Variants in LRP1B observed in about 807,000 individuals in gnomAD.
LRP1B encodes the protein low-density lipoprotein receptor-related protein 1B.
In LRP1B, 217 loss-of-function variants were observed where a neutral mutation model predicts 556.6. That is an observed-to-expected ratio of 0.39 (90% CI 0.35 to 0.44). The LOEUF (loss-of-function observed/expected upper bound fraction) is 0.44. Among genes scored for constraint, LRP1B ranks in the 20% least tolerant of loss-of-function variants. The pLI, the probability that LRP1B is intolerant of heterozygous loss-of-function variation, is 1.00. For missense variants in LRP1B, 5,053 were observed against 5,620.8 expected (o/e 0.90, Z 3.23); for synonymous variants, 2,047 against 1,865.8 (o/e 1.10, Z -2.50).
intron 35 of LRP1B, among the ~76,000 whole-genome samples, chr2:140,765,862 C>T (rs1689085200): frequency 6.6e-6 from 1 of 152,108 alleles, no homozygotes; most frequent in Admixed American, 6.6e-5. Flanking sequence ...TCTTCCACTT[C>T]ATCTCCTTAG....
chr2:141,061,909 A>C (rs1699346994), intron 8 of LRP1B, 142 bp downstream of exon 8: 1 of 649,616 alleles, frequency 1.5e-6, no homozygotes, highest in Admixed American at 2.7e-5. Flanking sequence ...TGAAAAGAAC[A>C]TTCTCCAATA....
intron 41 of LRP1B, among the ~76,000 whole-genome samples, chr2:140,606,616 T>C (rs1682876915): frequency 6.6e-6 from 1 of 151,988 alleles, no homozygotes; most frequent in African/African-American, 2.4e-5. Context: ...AACCTCAGTA[T>C]AAAGTTTATA....
chr2:140,603,660 A>ACAT (rs1682758582), intron 41 of LRP1B, among the ~76,000 whole-genome samples: 1 of 152,120 alleles, frequency 6.6e-6, no homozygotes, highest in Non-Finnish European at 1.5e-5. Context: ...TCTATGGTTA[A>ACAT]CATAATTCCA....
At chr2:141,615,833 T>C (rs773040003) in intron 2 of LRP1B, among the ~76,000 whole-genome samples, 10 of 152,124 alleles carry the variant, frequency 6.6e-5, no homozygotes, top group Non-Finnish European at 1.2e-4. Context: ...TAGGATAAGA[T>C]TTGGTAATAG....
chr2:140,718,372 G>A (rs1361320246), intron 35 of LRP1B, among the ~76,000 whole-genome samples: 2 of 151,802 alleles, frequency 1.3e-5, no homozygotes, highest in Non-Finnish European at 1.5e-5. Context: ...CCATTACCAA[G>A]CATTTTTTGT....
chr2:140,398,994 A>G (rs1446798929), intron 66 of LRP1B, among the ~76,000 whole-genome samples: 1 of 152,150 alleles, frequency 6.6e-6, no homozygotes, highest in Non-Finnish European at 1.5e-5. Context: ...CATTCATTGG[A>G]AAGTGCATAA....
intron 32 of LRP1B, among the ~76,000 whole-genome samples, chr2:140,798,396 C>A (rs35027393): frequency 2.0e-5 from 3 of 152,120 alleles, no homozygotes; most frequent in African/African-American, 7.2e-5. Flanking sequence ...TCTTCCTACC[C>A]TTCTCTGCCC....
At chr2:140,907,333 C>A (rs1694286398) in intron 22 of LRP1B, among the ~76,000 whole-genome samples, 2 of 151,940 alleles carry the variant, frequency 1.3e-5, no homozygotes, top group Non-Finnish European at 2.9e-5. Context: ...TCATTGAAAT[C>A]ATCATTTTAA....
intron 1 of LRP1B, among the ~76,000 whole-genome samples, chr2:142,119,723 T>C (rs1250876101): frequency 1.3e-5 from 2 of 152,104 alleles, no homozygotes; most frequent in Admixed American, 6.6e-5. Flanking sequence ...ATCATTTTTA[T>C]AGTACTTTCC....
At chr2:141,735,768 A>T (rs945593754) in intron 2 of LRP1B, among the ~76,000 whole-genome samples, 1 of 152,150 alleles carries the variant, frequency 6.6e-6, no homozygotes, top group Admixed American at 6.6e-5. Context: ...TCTTCCGAAC[A>T]TCCAAGAATT....
intron 77 of LRP1B, among the ~76,000 whole-genome samples, chr2:140,338,076 A>G (rs1440726160): frequency 5.3e-5 from 8 of 151,714 alleles, no homozygotes; most frequent in Non-Finnish European, 8.8e-5. Context: ...ACGAAAAAAA[A>G]AACTTACTTT....
chr2:140,241,024 C>T (rs1050869784), intron 87 of LRP1B, among the ~76,000 whole-genome samples: 13 of 150,880 alleles, frequency 8.6e-5, no homozygotes, highest in East Asian at 3.9e-4. Flanking sequence ...TTTAGAACTT[C>T]GAGAAATAAC....
At chr2:141,780,504 G>C (rs1695218986) in intron 2 of LRP1B, among the ~76,000 whole-genome samples, 1 of 152,084 alleles carries the variant, frequency 6.6e-6, no homozygotes, top group East Asian at 1.9e-4. Flanking sequence ...CAATTGTCCA[G>C]GAAAAAAATC....
chr2:141,902,710 T>C (rs1699655035), intron 1 of LRP1B, among the ~76,000 whole-genome samples: 1 of 131,296 alleles, frequency 7.6e-6, no homozygotes, highest in Middle Eastern at 3.9e-3. Flanking sequence ...AATGTAGTTG[T>C]GTCTTATTGA....
rs772450220 is a variant in LRP1B, at chr2:141,988,679, A to G, written c.82+141969T>C. Among the ~76,000 whole-genome samples the G allele has an allele frequency of 3.1e-4, 47 of 152,028 alleles. 1 individual carries two copies. Among genetic ancestry groups the G allele is most frequent in the Non-Finnish European group, 2.1e-4 (14 of 67,950 alleles). ...CCAAGAAAACACTCATCTTCCATAG[A>G]TCTGAAGATATTTGCAGTGGTGCTC... is the stretch of plus-strand genomic sequence containing the variant. On this transcript the variant is annotated intron_variant, in intron 1 of 90. Coordinates refer to ENST00000389484, the MANE Select transcript of LRP1B (RefSeq NM_018557.3).
chr2:140,503,140 A>G (rs1331498241), intron 53 of LRP1B, 37 bp from the exon 54 acceptor site: 3 of 1,593,396 alleles, frequency 1.9e-6, no homozygotes, highest in Non-Finnish European at 2.6e-6. Context: ...TAATTCACAT[A>G]ACAAATACTA....
intron 2 of LRP1B, among the ~76,000 whole-genome samples, chr2:141,730,586 C>T (rs1693233237): frequency 6.6e-6 from 1 of 152,116 alleles, no homozygotes; most frequent in South Asian, 2.1e-4. Flanking sequence ...TCTCCAGCTA[C>T]CTATTATACT....
intron 49 of LRP1B, among the ~76,000 whole-genome samples, chr2:140,520,546 T>A (rs1395491604): frequency 6.6e-6 from 1 of 151,994 alleles, no homozygotes; most frequent in East Asian, 1.9e-4. Context: ...ATGGCACATG[T>A]ACACATATGT....
chr2:140,530,146 A>G (rs964528734), intron 47 of LRP1B, among the ~76,000 whole-genome samples: 2 of 152,138 alleles, frequency 1.3e-5, no homozygotes, highest in African/African-American at 4.8e-5. Flanking sequence ...TGGCTCCACC[A>G]TAGCCTCTTA....
Sources: allele counts gnomAD v4.1 joint callset (sites outside exome capture counted in the v4.1 genomes callset), GRCh38; gene constraint gnomAD v4.1.1; transcripts MANE v1.5; gene names NCBI Gene and HGNC (gene_info 2026-07-23, HGNC 2026-07-21).